The following DPEP1 variants were observed in gnomAD, a reference collection of about 807,000 sequenced individuals.
DPEP1 encodes beta-lactamase.
A neutral mutation model predicts 42.3 loss-of-function variants in DPEP1; 50 were observed. The observed-to-expected ratio is 1.18, with a 90% CI of 0.94 to 1.50. The LOEUF (loss-of-function observed/expected upper bound fraction) is 1.50, where lower values mean the gene tolerates loss of function less well. Among genes scored for constraint, DPEP1 ranks in the 40% most tolerant of loss-of-function variants. The probability of loss-of-function intolerance (pLI) is 0.00; values close to 1 mark genes in which losing one functional copy is unlikely to be tolerated. For missense variants in DPEP1, 663 were observed against 553.0 expected (o/e 1.20, Z -1.99); for synonymous variants, 297 against 234.0 (o/e 1.27, Z -2.46).
Position 89,637,782 on chromosome 16 carries a change from A to G in DPEP1, c.930-54A>G, listed in dbSNP as rs1295264542. On this transcript the variant is annotated intron_variant, in intron 9 of 10. Transcript: ENST00000690203. ...CTCGTCAGAGGGATGAGGTGGCTGG[A>G]GGAGGGACCTGTGTCCTAGTGTGGG... 2.5e-6 allele frequency: 4 copies of G among 1,612,596 alleles called. No individual in the cohort carries two copies. The South Asian group carries it at 3.3e-5, about 13-fold the overall frequency.
intron 1 of DPEP1, among the ~76,000 whole-genome samples, chr16:89,619,837 C>G (rs9673820): frequency 2.6e-4 from 1 of 3,896 alleles, no homozygotes. Context: ...CAGCCCCCTG[C>G]GTCCCCTCCC....
intron 1 of DPEP1, 30 bp from the exon 2 acceptor site, chr16:89,630,275 C>T (rs2059567150): frequency 3.3e-6 from 2 of 613,138 alleles, no homozygotes; most frequent in Admixed American, 3.1e-5. Context: ...TCATCACTTC[C>T]ACCCACACCT....
At position 89,618,596 on chromosome 16, in the gene DPEP1, G is replaced by A. The variant is rs114215357; in HGVS notation, c.-107+4877G>A. ...AGGTGGGAGTGCAGCCTCAAGCTCC[G>A]AGGCTCAACAACCTTCCCACCTCAG... On this transcript the variant is annotated intron_variant, in intron 1 of 10. Coordinates refer to ENST00000690203, the MANE Select transcript of DPEP1 (RefSeq NM_001389466.1). Among the ~76,000 whole-genome samples, 401 of 152,074 alleles carry A rather than the reference G, an allele frequency of 2.6e-3. 10 individuals are homozygous for A. Among genetic ancestry groups the A allele is most frequent in the Admixed American group, 0.016 (243 of 15,292 alleles).
intron 6 of DPEP1, 118 bp from the exon 7 acceptor site, chr16:89,637,086 C>T: frequency 6.5e-7 from 1 of 1,530,108 alleles, no homozygotes; most frequent in East Asian, 2.3e-5. Flanking sequence ...GTGCTGAGCC[C>T]TGAGTGGCCC....
chr16:89,623,620 A>G (rs1292381764), intron 1 of DPEP1, among the ~76,000 whole-genome samples: 1 of 152,148 alleles, frequency 6.6e-6, no homozygotes, highest in Non-Finnish European at 1.5e-5. Flanking sequence ...GAACACAGCA[A>G]ACCTTGGAAA....
At chr16:89,627,746 C>G (rs1174865179) in intron 1 of DPEP1, among the ~76,000 whole-genome samples, 2 of 140,936 alleles carry the variant, frequency 1.4e-5, no homozygotes, top group Non-Finnish European at 3.1e-5. Flanking sequence ...CTGCAACCTC[C>G]GCCTCCCTGG....
At chr16:89,616,628 C>G (rs1463536501) in intron 1 of DPEP1, among the ~76,000 whole-genome samples, 1 of 152,172 alleles carries the variant, frequency 6.6e-6, no homozygotes, top group Non-Finnish European at 1.5e-5. Context: ...TAAAGAGGTT[C>G]CTTGAAGTTT....
Position 89,636,934 on chromosome 16 carries a change from A to C in DPEP1, c.590A>C (p.Gln197Pro). The change falls in exon 6 of 11, where the codon CAG becomes CCG. Residue 197 changes from glutamine (Q) to proline (P), a missense_variant and splice_region_variant. Physicochemically the swap from Gln to Pro is moderately conservative, Grantham distance 76. Transcript: ENST00000690203. Reference sequence around the variant, plus strand: ...AGCCAAGGCTTGTCACCCTTTGGGCAGGTGAGTGGGGTGGGAGCGGCCAGT... The same window carrying C: ...AGCCAAGGCTTGTCACCCTTTGGGCCGGTGAGTGGGGTGGGAGCGGCCAGT... ...PQSQGLSPFGQRVVKELNRLG... is the reference protein window; with the variant it reads ...PQSQGLSPFGPRVVKELNRLG... The C allele has an allele frequency of 1.2e-6, 2 of 1,612,292 alleles. No homozygotes were observed. Among genetic ancestry groups the C allele is most frequent in the Non-Finnish European group, 1.7e-6 (2 of 1,179,852 alleles).
At chr16:89,628,944 A>G (rs1314309950) in intron 1 of DPEP1, among the ~76,000 whole-genome samples, 1 of 152,006 alleles carries the variant, frequency 6.6e-6, no homozygotes, top group Non-Finnish European at 1.5e-5. Context: ...CTCCTGCCTC[A>G]GCCTCCTGAG....
intron 1 of DPEP1, among the ~76,000 whole-genome samples, chr16:89,623,451 C>G (rs1412685813): frequency 6.6e-6 from 1 of 152,118 alleles, no homozygotes; most frequent in East Asian, 1.9e-4. Flanking sequence ...TTTGTAGTGA[C>G]AAAGATTGCC....
At chr16:89,614,264 C>G (rs937275739) in intron 1 of DPEP1, among the ~76,000 whole-genome samples, 1 of 152,158 alleles carries the variant, frequency 6.6e-6, no homozygotes, top group African/African-American at 2.4e-5. Flanking sequence ...GTCCACTGTG[C>G]CGGCTGTTCC....
chr16:89,616,359 A>G (rs2059379007), intron 1 of DPEP1, among the ~76,000 whole-genome samples: 4 of 152,152 alleles, frequency 2.6e-5, no homozygotes, highest in African/African-American at 9.7e-5. Context: ...ACAGAGCAGT[A>G]TGGCCCAGCC....
chr16:89,617,785 A>AGGTCGGGTGCGGT (rs2059396200), intron 1 of DPEP1, among the ~76,000 whole-genome samples: 1 of 152,220 alleles, frequency 6.6e-6, no homozygotes, highest in Non-Finnish European at 1.5e-5. Flanking sequence ...GCGCTGTGGG[A>AGGTCGGGTGCGGT]GGCCAAGACG....
At chr16:89,633,963 G>A (rs996599383) in intron 2 of DPEP1, among the ~76,000 whole-genome samples, 2 of 152,252 alleles carry the variant, frequency 1.3e-5, no homozygotes, top group African/African-American at 2.4e-5. Context: ...CCCCAGGGTC[G>A]GGGGTCAGGC....
intron 1 of DPEP1, among the ~76,000 whole-genome samples, chr16:89,628,347 T>A (rs1490776662): frequency 6.9e-6 from 1 of 144,534 alleles, no homozygotes; most frequent in Non-Finnish European, 1.5e-5. Context: ...ATCCTCCACC[T>A]CCCGGATTCA....
chr16:89,629,086 C>A (rs1195219456), intron 1 of DPEP1, among the ~76,000 whole-genome samples: 2 of 152,190 alleles, frequency 1.3e-5, no homozygotes, highest in African/African-American at 4.8e-5. Flanking sequence ...TTCGGCCTCC[C>A]AAAGTGCTGG....
downstream of DPEP1, chr16:89,638,555 G>A: frequency 1.9e-6 from 2 of 1,077,764 alleles, no homozygotes; most frequent in Non-Finnish European, 2.3e-6. Context: ...GGCCAGAAGG[G>A]CTCAGGAGGT....
downstream of DPEP1, among the ~76,000 whole-genome samples, chr16:89,639,172 C>T (rs1395344507): frequency 1.5e-5 from 1 of 66,250 alleles, no homozygotes; most frequent in East Asian, 4.7e-4. Context: ...CCCATCCCTG[C>T]ACGCACACAC....
At chr16:89,621,339 A>G (rs1393433489) in intron 1 of DPEP1, among the ~76,000 whole-genome samples, 1 of 150,596 alleles carries the variant, frequency 6.6e-6, no homozygotes. Flanking sequence ...GGAAGCCACC[A>G]GCCTCAGGGT....
Sources: gnomAD v4.1 joint callset for allele counts (sites outside exome capture counted in the v4.1 genomes callset) on GRCh38, gnomAD v4.1.1 for gene constraint, MANE v1.5 for transcripts, NCBI Gene and HGNC (gene_info 2026-07-23, HGNC 2026-07-21) for gene names.